The following SLC4A4 variants were observed in gnomAD, a reference collection of about 807,000 sequenced individuals.
The protein encoded by SLC4A4 is solute carrier family 4 member 4.
In SLC4A4, 27 loss-of-function variants were observed where a neutral mutation model predicts 111.5. The observed-to-expected ratio is 0.24, with a 90% CI of 0.18 to 0.33. The LOEUF (loss-of-function observed/expected upper bound fraction) is 0.33, where lower values mean the gene tolerates loss of function less well. Among genes scored for constraint, SLC4A4 ranks in the 10% least tolerant of loss-of-function variants. The pLI, the probability that SLC4A4 is intolerant of heterozygous loss-of-function variation, is 1.00. For missense variants in SLC4A4, 909 were observed against 1,315.5 expected, an observed-to-expected ratio of 0.69 and a Z score of 4.78; for synonymous variants, 443 against 463.4, an observed-to-expected ratio of 0.96 and a Z score of 0.57.
At chr4:71,462,807 A>T (rs1353868021) in intron 12 of SLC4A4, among the ~76,000 whole-genome samples, 1 of 152,192 alleles carries the variant, frequency 6.6e-6, no homozygotes, top group Non-Finnish European at 1.5e-5. Flanking sequence ...TACATACATT[A>T]TCTATCTAAT....
intron 2 of SLC4A4, among the ~76,000 whole-genome samples, chr4:71,115,754 C>T (rs1168109185): frequency 6.6e-6 from 1 of 152,150 alleles, no homozygotes; most frequent in East Asian, 1.9e-4. Context: ...GATGAACAAA[C>T]TTTATTATTC....
intron 18 of SLC4A4, among the ~76,000 whole-genome samples, chr4:71,535,571 C>T (rs534214787): frequency 6.6e-6 from 1 of 152,046 alleles, no homozygotes; most frequent in Non-Finnish European, 1.5e-5. Flanking sequence ...TTGACAATGA[C>T]GTCCATCAAA....
chr4:71,345,527 C>A (rs761728227), intron 4 of SLC4A4, among the ~76,000 whole-genome samples: 3 of 152,088 alleles, frequency 2.0e-5, no homozygotes, highest in Non-Finnish European at 2.9e-5. Context: ...TCAACAAACA[C>A]AAGCCAACAA....
intron 16 of SLC4A4, among the ~76,000 whole-genome samples, chr4:71,504,668 G>T (rs1359987154): frequency 2.1e-5 from 3 of 144,140 alleles, no homozygotes; most frequent in Non-Finnish European, 4.7e-5. Context: ...TTTCATGGGG[G>T]GGGGGGTGTT....
chr4:71,178,452 C>T (rs1745165619), intron 2 of SLC4A4, among the ~76,000 whole-genome samples: 1 of 151,968 alleles, frequency 6.6e-6, no homozygotes, highest in African/African-American at 2.4e-5. Context: ...AATTGATAGA[C>T]CGCTAGCAAG....
intron 2 of SLC4A4, among the ~76,000 whole-genome samples, chr4:71,126,873 C>T (rs1743575998): frequency 6.6e-6 from 1 of 152,184 alleles, no homozygotes; most frequent in Admixed American, 6.5e-5. Context: ...CCATAGAACA[C>T]ATTCATATAT....
chr4:71,472,688 C>G lies in SLC4A4; in HGVS notation c.1632-11C>G, dbSNP rs1488274036. ...AGGAGGAATCTAAACATTTTTCTTT[C>G]TTTTTTCCAGGGACAATAATTTTGA... is the stretch of plus-strand genomic sequence containing the variant. On this transcript the variant is annotated splice_polypyrimidine_tract_variant and intron_variant, in intron 13 of 25. Transcript: ENST00000264485. The G allele has an allele frequency of 1.2e-6, 2 of 1,611,824 alleles. No homozygotes were observed. Among genetic ancestry groups the G allele is most frequent in the Non-Finnish European group, 1.7e-6 (2 of 1,178,732 alleles).
intron 7 of SLC4A4, chr4:71,437,074 G>A (rs1017444225): frequency 4.8e-6 from 2 of 417,976 alleles, no homozygotes; most frequent in African/African-American, 2.1e-5. Context: ...ATAGCCACAG[G>A]CAATCACTTC....
intron 7 of SLC4A4, among the ~76,000 whole-genome samples, chr4:71,436,459 A>G (rs1724155685): frequency 6.6e-6 from 1 of 152,168 alleles, no homozygotes; most frequent in Admixed American, 6.5e-5. Flanking sequence ...CCTAATGTAG[A>G]TGACAGGTTG....
In SLC4A4 at chr4:71,451,239, C is replaced by G. The variant is rs137982286; in HGVS notation, c.1260C>G (p.Pro420=). Residue 420 remains proline (P), a synonymous_variant, in exon 11 of 26, where the codon CCC becomes CCG. Coordinates refer to ENST00000264485, the MANE Select transcript of SLC4A4 (RefSeq NM_001098484.3). ...GENVQMNGDT[P]HDGGHGGGGH... ...ATGTTCAGATGAATGGGGATACGCC[C>G]CATGATGGAGGTCACGGAGGAGGAG... 5.5e-4 allele frequency: 894 copies of G among 1,613,480 alleles called. 1 individual carries two copies. In the Middle Eastern group the frequency reaches 8.3e-3, roughly 15 times the overall value.
intron 2 of SLC4A4, among the ~76,000 whole-genome samples, chr4:71,156,578 G>GCGCGCA (rs1744474742): frequency 9.9e-6 from 1 of 101,298 alleles, no homozygotes; most frequent in African/African-American, 4.6e-5. Flanking sequence ...GCGCATGCGC[G>GCGCGCA]CGCGCGCGCG....
At chr4:71,330,330 T>C (rs1317345040) in intron 3 of SLC4A4, among the ~76,000 whole-genome samples, 3 of 152,158 alleles carry the variant, frequency 2.0e-5, no homozygotes, top group Non-Finnish European at 4.4e-5. Flanking sequence ...AGAATGAGTT[T>C]GGAAGTAGTC....
chr4:71,158,034 A>G (rs995093559), intron 2 of SLC4A4, among the ~76,000 whole-genome samples: 7 of 152,000 alleles, frequency 4.6e-5, no homozygotes, highest in African/African-American at 1.7e-4. Flanking sequence ...ATAAACAACA[A>G]CTGAAGTTTA....
chr4:71,391,500 A>G (rs1719261696), intron 6 of SLC4A4, among the ~76,000 whole-genome samples: 1 of 152,108 alleles, frequency 6.6e-6, no homozygotes, highest in African/African-American at 2.4e-5. Context: ...CATGTGTGCT[A>G]AAGAATAACA....
chr4:71,120,563 T>A (rs541853058), intron 2 of SLC4A4, among the ~76,000 whole-genome samples: 9 of 152,304 alleles, frequency 5.9e-5, no homozygotes, highest in African/African-American at 2.2e-4. Context: ...ATCTTTTTGA[T>A]GCTTTAAAAA....
intron 2 of SLC4A4, among the ~76,000 whole-genome samples, chr4:71,149,106 T>G (rs914672645): frequency 6.6e-6 from 1 of 152,158 alleles, no homozygotes; most frequent in Non-Finnish European, 1.5e-5. Context: ...TTTTCTAAGG[T>G]CCTCTCTAGA....
At chr4:71,389,714 T>A (rs1291097277) in intron 6 of SLC4A4, among the ~76,000 whole-genome samples, 4 of 152,168 alleles carry the variant, frequency 2.6e-5, no homozygotes, top group Admixed American at 2.6e-4. Context: ...CACAGTAGTG[T>A]TTATAGTAGT....
chr4:71,481,613 T>G (rs1023464982), intron 14 of SLC4A4, among the ~76,000 whole-genome samples: 4 of 151,758 alleles, frequency 2.6e-5, no homozygotes, highest in Admixed American at 1.3e-4. Flanking sequence ...ATTGGAATGC[T>G]AAGCTTGTGG....
At chr4:71,261,084 G>C (rs1180276742) in intron 3 of SLC4A4, among the ~76,000 whole-genome samples, 1 of 152,152 alleles carries the variant, frequency 6.6e-6, no homozygotes, top group Admixed American at 6.6e-5. Context: ...TGCTTTAGCT[G>C]TCGGCTTGGC....
Sources: allele counts gnomAD v4.1 joint callset (sites outside exome capture counted in the v4.1 genomes callset), GRCh38; gene constraint gnomAD v4.1.1; transcripts MANE v1.5; gene names NCBI Gene and HGNC (gene_info 2026-07-23, HGNC 2026-07-21).